Variants in WNK2 observed in about 807,000 individuals in gnomAD.
The protein encoded by WNK2 is WNK lysine deficient protein kinase 2.
In WNK2, 67 loss-of-function variants were observed where a neutral mutation model predicts 192.1. The observed-to-expected ratio is 0.35, with a 90% CI of 0.29 to 0.43. The LOEUF (loss-of-function observed/expected upper bound fraction) is 0.43. Among genes scored for constraint, WNK2 ranks in the 20% least tolerant of loss-of-function variants. The pLI is 1.00. For synonymous variants in WNK2, 1,439 were observed against 1,393.9 expected (o/e 1.03, Z -0.72); for missense variants, 2,698 against 3,089.7 (o/e 0.87, Z 3.01).
chr9:93,268,313 G>A lies in WNK2; in HGVS notation c.3913+248G>A, dbSNP rs192375794. 7.7e-3 allele frequency among the ~76,000 whole-genome samples: 1,165 copies of A among 152,250 alleles called. 8 individuals are homozygous for A. Among genetic ancestry groups the A allele is most frequent in the African/African-American group, 0.018 (763 of 41,530 alleles). ...CGCGAGGGGTCCTCTCGGGAGCTTC[G>A]GGGGCTGCCAGTGAGGCACCCCAGG... On this transcript the variant is annotated intron_variant, in intron 18 of 29. Coordinates refer to ENST00000427277, the MANE Select transcript of WNK2 (RefSeq NM_006648.4).
In WNK2 at chr9:93,185,630, C is replaced by G. The variant is rs183077651; in HGVS notation, c.681+20C>G. ...CTGCAGGTGAGGGTGCCCCAGCCCG[C>G]AGGGGGCTTTCCGCAGGGTCTGTCC... On this transcript the variant is annotated intron_variant, in intron 2 of 29. Transcript: ENST00000427277. 4.4e-6 allele frequency: 7 copies of G among 1,599,148 alleles called. No individual in the cohort carries two copies. The South Asian group carries it at 7.8e-5, about 18-fold the overall frequency.
intron 23 of WNK2, among the ~76,000 whole-genome samples, 199 bp from the exon 24 acceptor site, chr9:93,297,654 G>C (rs56300939): frequency 0.083 from 12,605 of 152,278 alleles, 764 homozygotes; most frequent in African/African-American, 0.16. Flanking sequence ...ACTACCTTGG[G>C]ACCTCCCCGT....
At chr9:93,310,513 GGCAT>G (rs1341774670) in intron 28 of WNK2, among the ~76,000 whole-genome samples, 1 of 152,032 alleles carries the variant, frequency 6.6e-6, no homozygotes, top group Non-Finnish European at 1.5e-5. Flanking sequence ...ACAGTTCAGT[GGCAT>G]GAAGTACATT....
At chr9:93,308,848 T>C in intron 28 of WNK2, 1 of 1,349,152 alleles carries the variant, frequency 7.4e-7, no homozygotes, top group Non-Finnish European at 9.5e-7. Context: ...ACAGCTCAGA[T>C]ACAGCAGCAG....
intron 12 of WNK2, among the ~76,000 whole-genome samples, chr9:93,261,233 T>C (rs138930256): frequency 5.3e-5 from 8 of 152,262 alleles, no homozygotes; most frequent in Non-Finnish European, 1.2e-4. Context: ...TTCTCTAAAA[T>C]TTCAGCCTTC....
chr9:93,298,460 G>A (rs1287183799), intron 24 of WNK2, among the ~76,000 whole-genome samples: 1 of 152,216 alleles, frequency 6.6e-6, no homozygotes, highest in Middle Eastern at 3.2e-3. Flanking sequence ...GTTAGGGGCT[G>A]GGGGAGGACG....
At chr9:93,198,371 A>C (rs1365650412) in intron 2 of WNK2, among the ~76,000 whole-genome samples, 1 of 152,110 alleles carries the variant, frequency 6.6e-6, no homozygotes, top group East Asian at 1.9e-4. Flanking sequence ...TGGCAGGAGG[A>C]GGCTGATGGG....
Position 93,259,669 on chromosome 9 carries a change from C to T in WNK2, c.3066+55C>T, listed in dbSNP as rs532199873. 8.3e-6 allele frequency: 12 copies of T among 1,443,694 alleles called. No individual in the cohort carries two copies. The East Asian group carries it at 2.4e-4, about 29-fold the overall frequency. The allele number at this position is 1,443,694 out of a possible 1,614,324, so 89.4% of individuals were successfully genotyped here. A position where few individuals can be genotyped will look rare whatever the true frequency, so the allele number is the denominator to read the frequency against. ...TCCCAGCGTCTGGGGACCCTCAGGA[C>T]CCAGAGATGCAAAGGAGGACAGAGG... On this transcript the variant is annotated intron_variant, in intron 12 of 29. Transcript: ENST00000427277. The surrounding 1 kb of genome is among the most constrained non-coding windows in gnomAD (Gnocchi z 4.8).
chr9:93,314,155 T>G (rs1306659636), intron 28 of WNK2, among the ~76,000 whole-genome samples: 1 of 151,436 alleles, frequency 6.6e-6, no homozygotes, highest in Non-Finnish European at 1.5e-5. Flanking sequence ...GGTGGTGGGC[T>G]TCTGTAATCC....
rs955503926 is a variant in WNK2, at chr9:93,299,278, C to T, written c.6115+17C>T. 1.3e-6 allele frequency: 2 copies of T among 1,550,568 alleles called. No homozygotes were observed. The highest frequency in any genetic ancestry group is 1.8e-6 in the Non-Finnish European group (2 of 1,141,372). ...GTGGCCAAGGTGATTTCCAGCTTGC[C>T]TGTCTCCGAGCATGTGCTAGCCACG... On this transcript the variant is annotated intron_variant, in intron 25 of 29. Transcript: ENST00000427277.
chr9:93,230,612 G>A (rs1401324618), intron 3 of WNK2, among the ~76,000 whole-genome samples: 4 of 152,234 alleles, frequency 2.6e-5, no homozygotes, highest in African/African-American at 9.6e-5. Context: ...ATCTCCCAGT[G>A]AGGTCAAGAT....
At chr9:93,310,834 C>T (rs1853510878) in intron 28 of WNK2, among the ~76,000 whole-genome samples, 1 of 152,188 alleles carries the variant, frequency 6.6e-6, no homozygotes, top group Non-Finnish European at 1.5e-5. Flanking sequence ...CGTGGTTGCA[C>T]ATGCCTGTGG....
chr9:93,190,324 T>TG (rs1830113394), intron 2 of WNK2, among the ~76,000 whole-genome samples: 1 of 152,168 alleles, frequency 6.6e-6, no homozygotes. Flanking sequence ...GTCACCGTCA[T>TG]GGGGGACACA....
chr9:93,239,317 G>A lies in WNK2; in HGVS notation c.1323-440G>A, dbSNP rs1840349065. ...CCCCTTGAAAAGGTCACTGCTTCAT[G>A]GCACTGGGCACAGGGAGCTCAGAGC... On this transcript the variant is annotated intron_variant, in intron 6 of 29. Coordinates refer to ENST00000427277, the MANE Select transcript of WNK2 (RefSeq NM_006648.4). The surrounding 1 kb of genome is among the most constrained non-coding windows in gnomAD (Gnocchi z 4.2). Among the ~76,000 whole-genome samples, 2 of 152,314 alleles carry A rather than the reference G, an allele frequency of 1.3e-5. No individual in the cohort carries two copies. Among genetic ancestry groups the A allele is most frequent in the Admixed American group, 6.5e-5 (1 of 15,308 alleles).
At chr9:93,295,137 C>T (rs1850023039) in intron 23 of WNK2, among the ~76,000 whole-genome samples, 1 of 152,130 alleles carries the variant, frequency 6.6e-6, no homozygotes. Flanking sequence ...TGGTGAGCAG[C>T]CCAGGGGCAG....
intron 26 of WNK2, among the ~76,000 whole-genome samples, chr9:93,302,084 T>C (rs1260376858): frequency 6.6e-6 from 1 of 152,192 alleles, no homozygotes; most frequent in African/African-American, 2.4e-5. Context: ...GCTGGACTTC[T>C]TGTTGAGCCA....
intron 2 of WNK2, among the ~76,000 whole-genome samples, chr9:93,192,424 A>G (rs1174879603): frequency 6.6e-6 from 1 of 151,986 alleles, no homozygotes; most frequent in Admixed American, 6.6e-5. Context: ...ATGTGGATTT[A>G]GGGGAAGGGC....
chr9:93,291,438 T>C (rs1037781134), intron 21 of WNK2, among the ~76,000 whole-genome samples: 3 of 152,034 alleles, frequency 2.0e-5, no homozygotes, highest in African/African-American at 7.2e-5. Context: ...TTGGAGCCAT[T>C]TAGAAGTAGA....
intron 2 of WNK2, among the ~76,000 whole-genome samples, chr9:93,202,325 C>T (rs1199012501): frequency 5.4e-5 from 7 of 130,564 alleles, no homozygotes; most frequent in South Asian, 2.6e-4. Flanking sequence ...TCCGTGTGCA[C>T]GTGTGTGTGT....
Sources: allele counts gnomAD v4.1 joint callset (sites outside exome capture counted in the v4.1 genomes callset), GRCh38; gene constraint gnomAD v4.1.1; non-coding constraint Gnocchi (gnomAD v3.1); transcripts MANE v1.5; gene names NCBI Gene and HGNC (gene_info 2026-07-23, HGNC 2026-07-21).